GMDS: variants seen among roughly 807,000 people sequenced by gnomAD.
GMDS encodes the protein GDP-mannose 4,6 dehydratase.
GMDS carries 20 observed loss-of-function variants against 49.9 expected under a neutral mutation model. That is an observed-to-expected ratio of 0.40 (90% CI 0.28 to 0.58). The LOEUF (loss-of-function observed/expected upper bound fraction) is 0.58. Among genes scored for constraint, GMDS ranks in the 20% least tolerant of loss-of-function variants. The pLI is 0.42. For missense variants in GMDS, 362 were observed against 481.4 expected (o/e 0.75, Z 2.32); for synonymous variants, 177 against 178.6 (o/e 0.99, Z 0.07).
At chr6:1,788,733 T>C (rs907617675) in intron 7 of GMDS, among the ~76,000 whole-genome samples, 1 of 152,254 alleles carries the variant, frequency 6.6e-6, no homozygotes, top group Non-Finnish European at 1.5e-5. Context: ...CTCTATATTT[T>C]AGGTCAAATA....
chr6:1,943,510 G>A (rs927196115), intron 6 of GMDS, among the ~76,000 whole-genome samples: 3 of 152,228 alleles, frequency 2.0e-5, no homozygotes, highest in African/African-American at 7.2e-5. Flanking sequence ...TGCAGGGAGA[G>A]GGAGGGGAGC....
At chr6:2,128,563 CA>C (rs1298431941) in intron 1 of GMDS, among the ~76,000 whole-genome samples, 1 of 152,254 alleles carries the variant, frequency 6.6e-6, no homozygotes, top group East Asian at 1.9e-4. Context: ...TCTAATATCA[CA>C]CTAGTTACAG....
At chr6:2,144,588 T>C (rs956112033) in intron 1 of GMDS, among the ~76,000 whole-genome samples, 3 of 152,288 alleles carry the variant, frequency 2.0e-5, no homozygotes, top group East Asian at 1.9e-4. Flanking sequence ...AAGGGCCAGA[T>C]AGAGGAGGTC....
intron 1 of GMDS, among the ~76,000 whole-genome samples, chr6:2,133,650 T>C (rs191599478): frequency 1.8e-4 from 28 of 152,304 alleles, no homozygotes; most frequent in Admixed American, 1.6e-3. Flanking sequence ...CAGGAAACAT[T>C]GTAAATCACT....
At chr6:1,875,581 T>C (rs1005141903) in intron 7 of GMDS, among the ~76,000 whole-genome samples, 14 of 152,204 alleles carry the variant, frequency 9.2e-5, no homozygotes, top group African/African-American at 3.4e-4. Context: ...AATATTCTTA[T>C]CACTATTCTT....
intron 7 of GMDS, among the ~76,000 whole-genome samples, chr6:1,756,602 G>A (rs955947371): frequency 1.3e-5 from 2 of 152,184 alleles, no homozygotes; most frequent in African/African-American, 4.8e-5. Flanking sequence ...TTGTGATTCA[G>A]TGTGCAGGAA....
At chr6:2,071,966 A>G (rs187130932) in intron 4 of GMDS, among the ~76,000 whole-genome samples, 68 of 152,330 alleles carry the variant, frequency 4.5e-4, no homozygotes, top group Non-Finnish European at 7.6e-4. Context: ...AAAAAGAGTA[A>G]AAGTGATGAA....
intron 1 of GMDS, among the ~76,000 whole-genome samples, chr6:2,234,845 A>C (rs1165599529): frequency 2.6e-5 from 4 of 152,182 alleles, no homozygotes; most frequent in African/African-American, 9.6e-5. Context: ...CTCAGTGAGT[A>C]AATTAAAAAC....
chr6:1,624,553 AG>A lies in GMDS; in HGVS notation c.988-14del. On this transcript the variant is annotated splice_polypyrimidine_tract_variant and intron_variant, in intron 9 of 10. Transcript: ENST00000380815. ...CCTGCAGAAAGTCCTAGGGAAGAAG[AG>A]GGGGAGACGAAGCAGGCGTGGGTCG... 6.2e-7 allele frequency: 1 copy of A among 1,600,186 alleles called. No homozygotes were observed. Among genetic ancestry groups the A allele is most frequent in the Non-Finnish European group, 8.6e-7 (1 of 1,168,108 alleles).
At chr6:2,164,953 C>A (rs1209995806) in intron 1 of GMDS, among the ~76,000 whole-genome samples, 1 of 152,230 alleles carries the variant, frequency 6.6e-6, no homozygotes, top group African/African-American at 2.4e-5. Flanking sequence ...ATACACAGTA[C>A]CCAGATCCTT....
intron 1 of GMDS, among the ~76,000 whole-genome samples, chr6:2,185,186 C>T (rs1581764704): frequency 6.6e-6 from 1 of 152,262 alleles, no homozygotes; most frequent in Middle Eastern, 3.4e-3. Flanking sequence ...CAAATGCATC[C>T]TAATCAGGGA....
chr6:2,012,426 G>C (rs937855951), intron 4 of GMDS, among the ~76,000 whole-genome samples: 4 of 151,970 alleles, frequency 2.6e-5, no homozygotes, highest in Non-Finnish European at 5.9e-5. Context: ...AGACAGATTG[G>C]TTAAAAGGAC....
intron 4 of GMDS, among the ~76,000 whole-genome samples, chr6:2,099,035 G>T (rs1773773693): frequency 6.6e-6 from 1 of 151,954 alleles, no homozygotes; most frequent in Non-Finnish European, 1.5e-5. Context: ...CTGTGCTTGG[G>T]ATACTACAAT....
chr6:2,177,804 TA>T (rs1778351223), intron 1 of GMDS, among the ~76,000 whole-genome samples: 1 of 151,406 alleles, frequency 6.6e-6, no homozygotes, highest in African/African-American at 2.4e-5. Context: ...CAAAAGAAAA[TA>T]AATCATCCTA....
At chr6:2,206,148 C>T (rs1353212292) in intron 1 of GMDS, among the ~76,000 whole-genome samples, 1 of 152,052 alleles carries the variant, frequency 6.6e-6, no homozygotes, top group Non-Finnish European at 1.5e-5. Context: ...ATCCCAGCTA[C>T]TCAGGAGGCT....
chr6:1,652,621 ATTAT>A (rs1321077878), intron 9 of GMDS, among the ~76,000 whole-genome samples: 1 of 5,992 alleles, frequency 1.7e-4, no homozygotes, highest in Non-Finnish European at 3.3e-4. Context: ...TATAATATAT[ATTAT>A]TTATATATAA....
At chr6:1,815,732 T>C (rs1195678802) in intron 7 of GMDS, among the ~76,000 whole-genome samples, 1 of 152,200 alleles carries the variant, frequency 6.6e-6, no homozygotes, top group East Asian at 1.9e-4. Flanking sequence ...TTCTTTTTGC[T>C]TTCTTTTTTA....
At chr6:1,842,056 C>T (rs765275700) in intron 7 of GMDS, among the ~76,000 whole-genome samples, 1 of 152,198 alleles carries the variant, frequency 6.6e-6, no homozygotes, top group Non-Finnish European at 1.5e-5. Flanking sequence ...TCTAACCATT[C>T]TCCATATTCA....
In GMDS at chr6:1,939,356, C is replaced by A. The variant is rs80078082; in HGVS notation, c.644-9126G>T. 6.8e-3 allele frequency among the ~76,000 whole-genome samples: 1,041 copies of A among 151,972 alleles called. 7 individuals carry two copies. The highest frequency in any genetic ancestry group is 0.023 in the African/African-American group (967 of 41,462). The stretch of plus-strand genomic sequence containing the variant: ...CCTGAGACAGTCACTGTTTGTTTCT[C>A]CTGGGGGCCAGGAGATACTAACACC... On this transcript the variant is annotated intron_variant, in intron 6 of 10. Transcript: ENST00000380815.
Sources: gnomAD v4.1 joint callset for allele counts (sites outside exome capture counted in the v4.1 genomes callset) on GRCh38, gnomAD v4.1.1 for gene constraint, MANE v1.5 for transcripts, NCBI Gene and HGNC (gene_info 2026-07-23, HGNC 2026-07-21) for gene names.